ROR1: variants seen among roughly 807,000 people sequenced by gnomAD.
ROR1 encodes inactive tyrosine-protein kinase transmembrane receptor ROR1.
Under a neutral mutation model 78.8 loss-of-function variants are expected in ROR1, and 19 were observed. The ratio of observed to expected loss-of-function variants is 0.24; its 90% CI spans 0.17 to 0.35. ROR1 has a LOEUF of 0.35. Among genes scored for constraint, ROR1 ranks in the 10% least tolerant of loss-of-function variants. The probability of loss-of-function intolerance (pLI) is 1.00; values close to 1 mark genes in which losing one functional copy is unlikely to be tolerated. For missense variants in ROR1, 917 were observed against 1,177.8 expected, an observed-to-expected ratio of 0.78 and a Z score of 3.24; for synonymous variants, 386 against 433.6, an observed-to-expected ratio of 0.89 and a Z score of 1.36.
At chr1:64,005,932 G>A (rs558750831) in intron 1 of ROR1, among the ~76,000 whole-genome samples, 37 of 152,254 alleles carry the variant, frequency 2.4e-4, no homozygotes, top group Non-Finnish European at 4.7e-4. Flanking sequence ...CCCAGAATCA[G>A]CACAATCACT....
chr1:64,178,828 C>A lies in ROR1; in HGVS notation c.2787C>A (p.Thr929=), dbSNP rs746202387. ...GAGACGCCAATATTCATGGACACAC[C>A]GAATCTATGATTTCTGCAGAACTGT... ...LLGDANIHGH[T]ESMISAEL The change falls in exon 9 of 9, where the codon ACC becomes ACA. Residue 929 remains threonine, a synonymous_variant. Coordinates refer to ENST00000371079, the MANE Select transcript of ROR1 (RefSeq NM_005012.4). The surrounding 1 kb of genome is among the most constrained non-coding windows in gnomAD (Gnocchi z 4.3). The A allele has an allele frequency of 3.1e-6, 5 of 1,613,116 alleles. No homozygotes were observed. The highest frequency in any genetic ancestry group is 4.2e-6 in the Non-Finnish European group (5 of 1,179,538).
At chr1:64,060,706 A>C (rs1301902119) in intron 4 of ROR1, among the ~76,000 whole-genome samples, 5 of 152,194 alleles carry the variant, frequency 3.3e-5, no homozygotes, top group Non-Finnish European at 5.9e-5. Context: ...CCAGTAAAGC[A>C]GCTAACCTCC....
chr1:63,903,063 A>T (rs1313594122), intron 1 of ROR1, among the ~76,000 whole-genome samples: 1 of 152,204 alleles, frequency 6.6e-6, no homozygotes, highest in Non-Finnish European at 1.5e-5. Flanking sequence ...ACCATGTCAC[A>T]TGACCACCCT....
intron 1 of ROR1, among the ~76,000 whole-genome samples, chr1:63,918,410 G>A (rs1645627005): frequency 6.6e-6 from 1 of 152,160 alleles, no homozygotes; most frequent in South Asian, 2.1e-4. Flanking sequence ...ACCAGAATTT[G>A]AACGCAGGTC....
chr1:63,796,744 G>A (rs1239969072), intron 1 of ROR1, among the ~76,000 whole-genome samples: 2 of 152,148 alleles, frequency 1.3e-5, no homozygotes, highest in African/African-American at 4.8e-5. Flanking sequence ...GGCCTTGACA[G>A]TGTGGTAAGG....
chr1:64,071,678 A>G (rs1269773874), intron 4 of ROR1, among the ~76,000 whole-genome samples: 1 of 152,068 alleles, frequency 6.6e-6, no homozygotes, highest in Non-Finnish European at 1.5e-5. Context: ...TTTTCCCATC[A>G]TCAGGAATGA....
chr1:64,119,102 A>G (rs1038105839), intron 4 of ROR1, among the ~76,000 whole-genome samples: 1 of 152,102 alleles, frequency 6.6e-6, no homozygotes. Context: ...TTAAAGAGCC[A>G]TTTCAATTAA....
intron 2 of ROR1, among the ~76,000 whole-genome samples, chr1:64,042,961 C>G (rs914198616): frequency 1.3e-5 from 2 of 152,188 alleles, no homozygotes; most frequent in African/African-American, 4.8e-5. Flanking sequence ...GGAACCTCCT[C>G]CCTCTTCTGA....
At chr1:63,839,357 T>TATC (rs1403118845) in intron 1 of ROR1, among the ~76,000 whole-genome samples, 12 of 110,756 alleles carry the variant, frequency 1.1e-4, no homozygotes, top group African/African-American at 3.8e-4. Flanking sequence ...TCTATCTATC[T>TATC]ATCTATCTAT....
chr1:63,945,634 C>T lies in ROR1; in HGVS notation c.92-63671C>T, dbSNP rs1186413229. Among the ~76,000 whole-genome samples the T allele has an allele frequency of 4.6e-5, 7 of 152,266 alleles. No homozygotes were observed. The East Asian group carries it at 1.4e-3, about 29-fold the overall frequency. ...TTATACCTTTACTTGCTACATCAAA[C>T]ATACCCAGCAGGGTTGTCCTGGTTC... On this transcript the variant is annotated intron_variant, in intron 1 of 8. Transcript: ENST00000371079.
In ROR1 at chr1:64,074,791, C is replaced by T. The variant is rs61494412; in HGVS notation, c.482+24075C>T. On this transcript the variant is annotated intron_variant, in intron 4 of 8. Coordinates refer to ENST00000371079, the MANE Select transcript of ROR1 (RefSeq NM_005012.4). ...GCAGGCAGGGCACTAACCTTGGCTC[C>T]GCCACTTAATAACTGAGCAACAATG... is the stretch of plus-strand genomic sequence containing the variant. 5.0e-3 allele frequency among the ~76,000 whole-genome samples: 767 copies of T among 152,290 alleles called. 6 individuals carry two copies. Among genetic ancestry groups the T allele is most frequent in the African/African-American group, 0.016 (684 of 41,564 alleles).
At chr1:63,963,021 C>G (rs1281675429) in intron 1 of ROR1, among the ~76,000 whole-genome samples, 1 of 151,996 alleles carries the variant, frequency 6.6e-6, no homozygotes, top group Non-Finnish European at 1.5e-5. Flanking sequence ...CCTTCTTGTT[C>G]GGGTTGGTTG....
At chr1:63,951,917 T>C (rs1399926638) in intron 1 of ROR1, among the ~76,000 whole-genome samples, 1 of 152,118 alleles carries the variant, frequency 6.6e-6, no homozygotes, top group Non-Finnish European at 1.5e-5. Context: ...AGTTTAATAG[T>C]AGATTCATTC....
At chr1:63,906,717 T>C (rs1464321131) in intron 1 of ROR1, among the ~76,000 whole-genome samples, 1 of 152,216 alleles carries the variant, frequency 6.6e-6, no homozygotes, top group Non-Finnish European at 1.5e-5. Context: ...AATTTGATCT[T>C]GTCAAACAAT....
chr1:63,878,912 A>G (rs2100370973), intron 1 of ROR1, among the ~76,000 whole-genome samples: 1 of 152,286 alleles, frequency 6.6e-6, no homozygotes, highest in Admixed American at 6.5e-5. Flanking sequence ...CTGTTGCATT[A>G]CAGGTCCTGA....
intron 1 of ROR1, among the ~76,000 whole-genome samples, chr1:63,923,837 A>G (rs1645676869): frequency 6.6e-6 from 1 of 151,740 alleles, no homozygotes; most frequent in Non-Finnish European, 1.5e-5. Flanking sequence ...CCTCCACTGG[A>G]TGCCCCTCGA....
At chr1:64,120,495 A>G (rs115239286) in intron 4 of ROR1, among the ~76,000 whole-genome samples, 4 of 152,144 alleles carry the variant, frequency 2.6e-5, no homozygotes, top group Admixed American at 2.0e-4. Context: ...TATGAATGAG[A>G]TATTTTACTC....
At chr1:63,879,563 CAGAT>C (rs1468371495) in intron 1 of ROR1, among the ~76,000 whole-genome samples, 1 of 152,236 alleles carries the variant, frequency 6.6e-6, no homozygotes, top group East Asian at 1.9e-4. Context: ...GTTCTCTAGT[CAGAT>C]AGGTTTGCAA....
intron 1 of ROR1, among the ~76,000 whole-genome samples, chr1:63,873,543 G>T (rs1645265457): frequency 6.6e-6 from 1 of 152,088 alleles, no homozygotes; most frequent in Non-Finnish European, 1.5e-5. Flanking sequence ...AAATTGTTTT[G>T]ACTGATTCAT....
Sources: allele counts gnomAD v4.1 joint callset (sites outside exome capture counted in the v4.1 genomes callset), GRCh38; gene constraint gnomAD v4.1.1; non-coding constraint Gnocchi (gnomAD v3.1); transcripts MANE v1.5; gene names NCBI Gene and HGNC (gene_info 2026-07-23, HGNC 2026-07-21).